Variants in KMT2E observed in about 807,000 individuals in gnomAD.
The protein encoded by KMT2E is histone reader KMT2E.
Under a neutral mutation model 184.6 loss-of-function variants are expected in KMT2E, and 30 were observed. The ratio of observed to expected loss-of-function variants is 0.16; its 90% CI spans 0.12 to 0.22. KMT2E has a LOEUF of 0.22. Ranked by LOEUF, KMT2E falls within the 10% of genes least tolerant of loss-of-function variation. KMT2E has a pLI of 1.00. For missense variants in KMT2E, 2,023 were observed against 2,237.4 expected (o/e 0.90, Z 1.93); for synonymous variants, 815 against 776.5 (o/e 1.05, Z -0.82).
chr7:105,092,245 G>A (rs368975439), intron 15 of KMT2E, among the ~76,000 whole-genome samples: 6 of 152,100 alleles, frequency 3.9e-5, no homozygotes, highest in African/African-American at 1.4e-4. Flanking sequence ...GCAAAACCAC[G>A]TCTCTACTAA....
rs113899227 is a variant in KMT2E at position 105,078,747 on chromosome 7, A to G, written c.1131-99A>G. ...GGTCTTGATCTCCTGGACTCAAGCA[A>G]TCCACCTGCCTCGGCCTCCCAAAGT... On this transcript the variant is annotated intron_variant, in intron 11 of 26. Coordinates refer to ENST00000311117, the MANE Select transcript of KMT2E (RefSeq NM_182931.3). The G allele has an allele frequency of 2.1e-3, 1,092 of 530,434 alleles. 14 individuals carry two copies. The African/African-American group carries it at 0.021, about 10-fold the overall frequency. The allele number at this position is 530,434 out of a possible 1,614,324, so 32.9% of individuals were successfully genotyped here.
At chr7:105,087,306 A>AAT (rs1230060605) in intron 13 of KMT2E, among the ~76,000 whole-genome samples, 1 of 118,144 alleles carries the variant, frequency 8.5e-6, no homozygotes, top group African/African-American at 4.2e-5. Context: ...ATAATATATA[A>AAT]ATATAAATAT....
chr7:105,083,944 T>C (rs1261311458), intron 13 of KMT2E, among the ~76,000 whole-genome samples: 4 of 152,324 alleles, frequency 2.6e-5, no homozygotes, highest in Non-Finnish European at 5.9e-5. Flanking sequence ...TTTTGTTTTA[T>C]GTTATCATTT....
chr7:105,062,024 A>G (rs1796832501), intron 3 of KMT2E, 140 bp from the exon 4 acceptor site: 1 of 607,350 alleles, frequency 1.6e-6, no homozygotes, highest in Non-Finnish European at 3.0e-6. Flanking sequence ...TATCTTATCT[A>G]TAGTGTATCC....
At chr7:105,027,231 T>C (rs779200903) in intron 1 of KMT2E, among the ~76,000 whole-genome samples, 1 of 151,634 alleles carries the variant, frequency 6.6e-6, no homozygotes, top group Non-Finnish European at 1.5e-5. Flanking sequence ...ACAGGTGCCA[T>C]GTCACCATGT....
chr7:105,048,342 C>T (rs768177028), intron 3 of KMT2E, among the ~76,000 whole-genome samples: 2 of 151,880 alleles, frequency 1.3e-5, no homozygotes. Context: ...TGGCCAAAAT[C>T]CTCATTTTTT....
At chr7:105,068,474 G>A (rs1033255345) in intron 6 of KMT2E, among the ~76,000 whole-genome samples, 1 of 150,020 alleles carries the variant, frequency 6.7e-6, no homozygotes, top group Non-Finnish European at 1.5e-5. Context: ...TTTTTTTTAA[G>A]ACAGGATCTC....
At chr7:105,049,993 C>T (rs1205152096) in intron 3 of KMT2E, among the ~76,000 whole-genome samples, 1 of 152,188 alleles carries the variant, frequency 6.6e-6, no homozygotes, top group East Asian at 1.9e-4. Context: ...TTTTCAGAAT[C>T]TTCATTCTTC....
Position 105,107,829 on chromosome 7 carries a change from T to G in KMT2E, c.3372T>G (p.Thr1124=). The change falls in exon 22 of 27, where the codon ACT becomes ACG. Residue 1124 remains threonine (T), a synonymous_variant. Transcript: ENST00000311117. Reference sequence around the variant, plus strand: ...TTATGGAAACAACTGTGTTTTGTACTTCCGAAGATGGGCTTGTATCTGGTT... The same window carrying G: ...TTATGGAAACAACTGTGTTTTGTACGTCCGAAGATGGGCTTGTATCTGGTT... The part of the protein sequence containing the change: ...GMFMETTVFC[T]SEDGLVSGFG... 6.2e-7 allele frequency: 1 copy of G among 1,614,188 alleles called. No homozygotes were observed. The highest frequency in any genetic ancestry group is 8.5e-7 in the Non-Finnish European group (1 of 1,180,026).
intron 3 of KMT2E, among the ~76,000 whole-genome samples, chr7:105,055,002 T>C (rs1323737112): frequency 2.6e-5 from 4 of 152,290 alleles, no homozygotes; most frequent in Admixed American, 2.6e-4. Flanking sequence ...GAAGGAGTCT[T>C]GGAGAGGTAG....
At chr7:105,043,165 G>A (rs1432839430) in intron 3 of KMT2E, among the ~76,000 whole-genome samples, 1 of 151,648 alleles carries the variant, frequency 6.6e-6, no homozygotes, top group Non-Finnish European at 1.5e-5. Context: ...TTCTCTAAAT[G>A]CCTCCTCAAT....
rs369015069 is a variant in KMT2E, at chr7:105,113,075, G to A, written c.5319G>A (p.Pro1773=). ...CTACACATCATACCACTTTGGGACC[G>A]GGACCCCAGCACCAGCCTTCTGGAA... ...SQATHHTTLG[P]GPQHQPSGTG... is the part of the protein sequence containing the mutation. Residue 1773 remains proline (P), a synonymous_variant, in exon 27 of 27, where the codon CCG becomes CCA. Transcript: ENST00000311117. 5.6e-5 allele frequency: 91 copies of A among 1,613,866 alleles called. No individual in the cohort carries two copies. The highest frequency in any genetic ancestry group is 7.1e-5 in the Non-Finnish European group (84 of 1,179,990).
chr7:105,065,035 T>A (rs1562901903), intron 5 of KMT2E, among the ~76,000 whole-genome samples: 1 of 152,172 alleles, frequency 6.6e-6, no homozygotes, highest in Non-Finnish European at 1.5e-5. Flanking sequence ...ATCTACAAAT[T>A]ATTGAAGGAC....
At chr7:105,039,562 C>G (rs995102769) in intron 2 of KMT2E, among the ~76,000 whole-genome samples, 1 of 152,088 alleles carries the variant, frequency 6.6e-6, no homozygotes, top group African/African-American at 2.4e-5. Context: ...AGGTTAATTC[C>G]TGTTTCACAG....
chr7:105,108,561 T>G (rs1168099415), intron 22 of KMT2E: 7 of 458,068 alleles, frequency 1.5e-5, no homozygotes, highest in African/African-American at 1.4e-4. Flanking sequence ...TTGGCAACTT[T>G]GTGGGAAGCA....
intron 6 of KMT2E, among the ~76,000 whole-genome samples, chr7:105,069,215 T>G (rs1415338347): frequency 6.6e-6 from 1 of 152,224 alleles, no homozygotes; most frequent in Non-Finnish European, 1.5e-5. Context: ...CTAGGAAGTA[T>G]GTTTCATCTG....
rs942808253 is a variant in KMT2E, at chr7:105,079,005, G to A, written c.1248+42G>A. 6 of 1,059,216 alleles carry A rather than the reference G, an allele frequency of 5.7e-6. No individual in the cohort carries two copies. In the Admixed American group the frequency reaches 6.8e-5, roughly 12 times the overall value. 65.6% of individuals were successfully genotyped at this position (1,059,216 alleles called of 1,614,324 possible). A position where few individuals can be genotyped will look rare whatever the true frequency, so the allele number is the denominator to read the frequency against. On this transcript the variant is annotated intron_variant, in intron 12 of 26. Coordinates refer to ENST00000311117, the MANE Select transcript of KMT2E (RefSeq NM_182931.3). ...TTTTTGGGGAGATGTGGGTGCTGGG[G>A]GTGTGTTGGAATCTGAGCAATAAGC...
At chr7:105,110,640 A>C (rs1257796755) in intron 25 of KMT2E, 38 bp downstream of exon 25, 1 of 1,612,880 alleles carries the variant, frequency 6.2e-7, no homozygotes, top group South Asian at 1.1e-5. Flanking sequence ...ATTCTTAACA[A>C]ATTTTAAAAT....
rs753084592 is a variant in KMT2E at position 105,112,688 on chromosome 7, G to A, written c.4932G>A (p.Pro1644=). 26 of 1,613,406 alleles carry A rather than the reference G, an allele frequency of 1.6e-5. No homozygotes were observed. Among genetic ancestry groups the A allele is most frequent in the Middle Eastern group, 1.6e-4 (1 of 6,084 alleles). The change falls in exon 27 of 27, where the codon CCG becomes CCA. Residue 1644 remains proline, a synonymous_variant. Coordinates refer to ENST00000311117, the MANE Select transcript of KMT2E (RefSeq NM_182931.3). ...CAGGACCGCACCTTGTACAACAGCC[G>A]AATTCCCATCAGCAACACTCTGTAG... is the stretch of plus-strand genomic sequence containing the variant. ...PAPGPHLVQQ[P]NSHQQHSVAH... is the part of the protein sequence containing the mutation.
Sources: gnomAD v4.1 joint callset for allele counts (sites outside exome capture counted in the v4.1 genomes callset) on GRCh38, gnomAD v4.1.1 for gene constraint, MANE v1.5 for transcripts, NCBI Gene and HGNC (gene_info 2026-07-23, HGNC 2026-07-21) for gene names.